ABHD12B: variants seen among roughly 807,000 people sequenced by gnomAD.
ABHD12B encodes abhydrolase domain containing 12B, also known as protein ABHD12B.
A neutral mutation model predicts 50.4 loss-of-function variants in ABHD12B; 42 were observed. The ratio of observed to expected loss-of-function variants is 0.83; its 90% confidence interval spans 0.65 to 1.08. ABHD12B has a LOEUF of 1.08. Ranked by LOEUF, ABHD12B falls within the 50% of genes least tolerant of loss-of-function variation. The pLI, the probability that ABHD12B is intolerant of heterozygous loss-of-function variation, is 0.00. For synonymous variants in ABHD12B, 167 were observed against 160.3 expected, an observed-to-expected ratio of 1.04 and a Z score of -0.32; for missense variants, 479 against 447.7, an observed-to-expected ratio of 1.07 and a Z score of -0.63.
At position 50,901,844 on chromosome 14, in the gene ABHD12B, C is replaced by G. The variant is rs2050263306; in HGVS notation, c.796C>G (p.Pro266Ala). ...YPLLKIYRNIPGFLRTLMDAL... is the reference protein window; with the variant it reads ...YPLLKIYRNIAGFLRTLMDAL... ...TTAAAAATAGATTTACCGGAACATT[C>G]CAGGATTTTTACGTACACTTATGGA... Residue 266 changes from proline to alanine, a missense_variant, in exon 10 of 13, where the codon CCA becomes GCA. Pro to Ala is a conservative substitution (Grantham distance 27). Transcript: ENST00000337334. 3.8e-6 allele frequency: 6 copies of G among 1,591,614 alleles called. No homozygotes were observed. In the East Asian group the frequency reaches 1.4e-4, roughly 36 times the overall value.
intron 9 of ABHD12B, among the ~76,000 whole-genome samples, chr14:50,894,857 C>T (rs979710876): frequency 1.5e-4 from 22 of 148,352 alleles, no homozygotes; most frequent in East Asian, 3.9e-4. Flanking sequence ...CTCCCCTCCT[C>T]GCCAGGCCGA....
At position 50,885,778 on chromosome 14, in the gene ABHD12B, C is replaced by T. The variant is rs745628015; in HGVS notation, c.545C>T (p.Ser182Phe). ...TTCTTGCTGCCAGGATTTGGGGACT[C>T]TACAGGTAAGCCCACAGAGGAGGGA... is the stretch of plus-strand genomic sequence containing the variant. ...LSVDYRGFGD[S>F]TGKPTEEGLT... is the part of the protein sequence containing the mutation. The change falls in exon 7 of 13, where the codon TCT (serine) becomes TTT (phenylalanine). Residue 182 changes from serine to phenylalanine, a missense_variant. By Grantham distance (155) the Ser-to-Phe change is radical. Coordinates refer to ENST00000337334, the MANE Select transcript of ABHD12B (RefSeq NM_001206673.2). 6.2e-7 allele frequency: 1 copy of T among 1,614,170 alleles called. No individual in the cohort carries two copies. The highest frequency in any genetic ancestry group is 2.2e-5 in the East Asian group (1 of 44,882).
At chr14:50,874,281 C>G (rs938486074) in intron 1 of ABHD12B, among the ~76,000 whole-genome samples, 2 of 152,264 alleles carry the variant, frequency 1.3e-5, no homozygotes, top group Non-Finnish European at 1.5e-5. Flanking sequence ...GAGTAAGTCT[C>G]CACTTTACAA....
At chr14:50,881,763 G>A in intron 5 of ABHD12B, 137 bp downstream of exon 5, 5 of 980,204 alleles carry the variant, frequency 5.1e-6, no homozygotes, top group Non-Finnish European at 7.9e-6. Flanking sequence ...GGTGTCTGGG[G>A]CTCAAAGTCC....
chr14:50,901,862 C>A lies in ABHD12B; in HGVS notation c.814C>A (p.Leu272Ile). 6.3e-7 allele frequency: 1 copy of A among 1,592,984 alleles called. No homozygotes were observed. The highest frequency in any genetic ancestry group is 8.5e-7 in the Non-Finnish European group (1 of 1,174,392). ...GAACATTCCAGGATTTTTACGTACA[C>A]TTATGGATGCCCTGAGAAAAGACAA... Reference protein sequence around the residue: ...YRNIPGFLRTLMDALRKDKII... With the variant: ...YRNIPGFLRTIMDALRKDKII... Residue 272 changes from leucine to isoleucine, a missense_variant, in exon 10 of 13, where the codon CTT (leucine) becomes ATT (isoleucine). Coordinates refer to ENST00000337334, the MANE Select transcript of ABHD12B (RefSeq NM_001206673.2).
At position 50,901,924 on chromosome 14, in the gene ABHD12B, T is replaced by C; in HGVS notation, c.863+13T>C. 2 of 1,545,970 alleles carry C rather than the reference T, an allele frequency of 1.3e-6. No individual in the cohort carries two copies. The highest frequency in any genetic ancestry group is 1.2e-5 in the South Asian group (1 of 84,722). ...CTAATGATGAAAAGTAAGTTAATGA[T>C]GAAAAGACATGCATTATTACTGTAT... On this transcript the variant is annotated intron_variant, in intron 10 of 12. Coordinates refer to ENST00000337334, the MANE Select transcript of ABHD12B (RefSeq NM_001206673.2).
intron 9 of ABHD12B, among the ~76,000 whole-genome samples, chr14:50,899,249 G>A (rs2050235015): frequency 6.6e-6 from 1 of 152,146 alleles, no homozygotes; most frequent in Admixed American, 6.5e-5. Flanking sequence ...GGAATAGCAG[G>A]CCTAAGCCAG....
At chr14:50,893,758 G>A (rs976837365) in intron 9 of ABHD12B, 10 of 192,806 alleles carry the variant, frequency 5.2e-5, no homozygotes, top group Admixed American at 3.1e-4. Context: ...TTTCAAATCC[G>A]GTAAGCGGCC....
At chr14:50,903,026 TTTC>T (rs1404972971) in intron 10 of ABHD12B, among the ~76,000 whole-genome samples, 1 of 152,206 alleles carries the variant, frequency 6.6e-6, no homozygotes, top group African/African-American at 2.4e-5. Context: ...TAATAAAATA[TTTC>T]AGATGTTACA....
At chr14:50,877,685 G>A (rs2049880694) in intron 1 of ABHD12B, among the ~76,000 whole-genome samples, 1 of 152,090 alleles carries the variant, frequency 6.6e-6, no homozygotes, top group African/African-American at 2.4e-5. Flanking sequence ...TGGCCAACAT[G>A]GTGAAACCCT....
intron 2 of ABHD12B, 57 bp from the exon 3 acceptor site, chr14:50,878,688 G>T: frequency 1.4e-6 from 2 of 1,416,338 alleles, no homozygotes; most frequent in East Asian, 2.3e-5. Flanking sequence ...TTCTTTGATT[G>T]TGATTAAAAG....
intron 1 of ABHD12B, among the ~76,000 whole-genome samples, chr14:50,875,233 A>G (rs2049844814): frequency 6.6e-6 from 1 of 152,202 alleles, no homozygotes; most frequent in Non-Finnish European, 1.5e-5. Context: ...GGAGACTTTG[A>G]CAAAAAAGAG....
chr14:50,889,463 C>A (rs147014803), intron 9 of ABHD12B, among the ~76,000 whole-genome samples: 107 of 152,262 alleles, frequency 7.0e-4, no homozygotes, highest in Non-Finnish European at 1.2e-3. Flanking sequence ...CATGGTGAAA[C>A]CCCGTCTCTA....
Position 50,904,105 on chromosome 14 carries a change from A to T in ABHD12B, c.974A>T (p.Asn325Ile), listed in dbSNP as rs2050300054. Residue 325 changes from asparagine (N) to isoleucine (I), a missense_variant, in exon 12 of 13, where the codon AAC becomes ATC. Asn to Ile is a moderately radical substitution (Grantham distance 149). Coordinates refer to ENST00000337334, the MANE Select transcript of ABHD12B (RefSeq NM_001206673.2). ...LYEIARNAYR[N>I]KERVKMVIFP... ...GAAATTGCACGCAATGCATACAGGA[A>T]CAAAGAGAGGGTCAAGATGGTTATC... The T allele has an allele frequency of 1.2e-6, 2 of 1,613,982 alleles. No individual in the cohort carries two copies. Among genetic ancestry groups the T allele is most frequent in the African/African-American group, 1.3e-5 (1 of 74,926 alleles).
intron 9 of ABHD12B, chr14:50,893,413 C>G (rs1009257250): frequency 6.5e-6 from 1 of 152,908 alleles, no homozygotes; most frequent in Non-Finnish European, 1.5e-5. Flanking sequence ...CTTGTGACCC[C>G]CACCCCTGCC....
At chr14:50,899,731 T>C (rs1350068943) in intron 9 of ABHD12B, among the ~76,000 whole-genome samples, 7 of 152,170 alleles carry the variant, frequency 4.6e-5, no homozygotes, top group East Asian at 1.9e-4. Context: ...GAGACCAGCC[T>C]AGCCAACATG....
Position 50,877,939 on chromosome 14 carries a change from C to A in ABHD12B, c.105-13C>A. 2 of 1,502,134 alleles carry A rather than the reference C, an allele frequency of 1.3e-6. No individual in the cohort carries two copies. The highest frequency in any genetic ancestry group is 1.8e-6 in the Non-Finnish European group (2 of 1,133,434). 93.1% of individuals were successfully genotyped at this position (1,502,134 alleles called of 1,614,324 possible). A position where few individuals can be genotyped will look rare whatever the true frequency, so the allele number is the denominator to read the frequency against. On this transcript the variant is annotated splice_polypyrimidine_tract_variant and intron_variant, in intron 1 of 12. Coordinates refer to ENST00000337334, the MANE Select transcript of ABHD12B (RefSeq NM_001206673.2). ...AATTTCGAAAACCTTGTGTGTTTCC[C>A]AATACCTTGCAGATATTTTCCACAC...
At position 50,903,517 on chromosome 14, in the gene ABHD12B, A is replaced by G. The variant is rs1439056738; in HGVS notation, c.942+50A>G. 3 of 1,492,188 alleles carry G rather than the reference A, an allele frequency of 2.0e-6. No individual in the cohort carries two copies. The Admixed American group carries it at 5.8e-5, about 29-fold the overall frequency. The allele number at this position is 1,492,188 out of a possible 1,614,324, so 92.4% of individuals were successfully genotyped here. A position where few individuals can be genotyped will look rare whatever the true frequency, so the allele number is the denominator to read the frequency against. ...TGAAATATACTATACTCATTTCACCATTTTTTTCATTCAGCCAAACTTTGA... is the reference window on the plus strand; with the variant it reads ...TGAAATATACTATACTCATTTCACCGTTTTTTTCATTCAGCCAAACTTTGA... On this transcript the variant is annotated intron_variant, in intron 11 of 12. Coordinates refer to ENST00000337334, the MANE Select transcript of ABHD12B (RefSeq NM_001206673.2).
Position 50,880,555 on chromosome 14 carries a change from G to A in ABHD12B, c.439G>A (p.Gly147Ser). Reference sequence around the variant, plus strand: ...GAACCCAATTATTGTTTATCTTCATGGCAGTGCAGAACACAGGTCAGTGGC... The same window carrying A: ...GAACCCAATTATTGTTTATCTTCATAGCAGTGCAGAACACAGGTCAGTGGC... ...DGNPIIVYLH[G>S]SAEHRAASHR... The change falls in exon 4 of 13, where the codon GGC becomes AGC. Residue 147 changes from glycine (G) to serine (S), a missense_variant. Gly to Ser is a moderately conservative substitution (Grantham distance 56, BLOSUM62 0). Coordinates refer to ENST00000337334, the MANE Select transcript of ABHD12B (RefSeq NM_001206673.2). 1 of 1,602,116 alleles carries A rather than the reference G, an allele frequency of 6.2e-7. No individual in the cohort carries two copies.
Sources: allele counts gnomAD v4.1 joint callset (sites outside exome capture counted in the v4.1 genomes callset), GRCh38; gene constraint gnomAD v4.1.1; transcripts MANE v1.5; gene names NCBI Gene and HGNC (gene_info 2026-07-23, HGNC 2026-07-21).